CTNNAL1: variants seen among roughly 807,000 people sequenced by gnomAD.
The protein encoded by CTNNAL1 is catenin alpha like 1.
Under a neutral mutation model 93.6 loss-of-function variants are expected in CTNNAL1, and 69 were observed. The ratio of observed to expected loss-of-function variants is 0.74; its 90% CI spans 0.61 to 0.90. The LOEUF (loss-of-function observed/expected upper bound fraction) is 0.90, where lower values mean the gene tolerates loss of function less well. Ranked by LOEUF, CTNNAL1 falls within the 40% of genes least tolerant of loss-of-function variation. CTNNAL1 has a pLI of 0.00. For missense variants in CTNNAL1, 836 were observed against 862.0 expected, an observed-to-expected ratio of 0.97 and a Z score of 0.38; for synonymous variants, 286 against 305.4, an observed-to-expected ratio of 0.94 and a Z score of 0.66.
chr9:108,992,778 G>A lies in CTNNAL1; in HGVS notation c.373C>T (p.His125Tyr), dbSNP rs753312528. 1 of 1,613,456 alleles carries A rather than the reference G, an allele frequency of 6.2e-7. No homozygotes were observed. The highest frequency in any genetic ancestry group is 1.1e-5 in the South Asian group (1 of 90,914). ...AALTDITNLN[H>Y]LESDGQITIF... ...GTGATCTGCCCATCAGATTCCAGAT[G>A]GTTCAAGTTGGTTATGTCTGTAAGT... Residue 125 changes from histidine to tyrosine, a missense_variant, in exon 3 of 19, where the codon CAT becomes TAT. His to Tyr is a moderately conservative substitution (Grantham distance 83). Transcript: ENST00000325551.
At chr9:108,996,923 T>C (rs1832042973) in intron 2 of CTNNAL1, among the ~76,000 whole-genome samples, 2 of 6,580 alleles carry the variant, frequency 3.0e-4, no homozygotes, top group Non-Finnish European at 4.9e-4. Flanking sequence ...TAACCCTTTG[T>C]TTCCCACATT....
intron 3 of CTNNAL1, 65 bp downstream of exon 3, chr9:108,992,567 G>T (rs1831851085): frequency 1.3e-6 from 2 of 1,510,500 alleles, no homozygotes; most frequent in Non-Finnish European, 1.8e-6. Context: ...ACCACTAAGA[G>T]TCATAAAAAG....
chr9:108,950,680 G>T, intron 14 of CTNNAL1: 1 of 1,475,650 alleles, frequency 6.8e-7, no homozygotes, highest in Non-Finnish European at 9.0e-7. Context: ...ATAAAAGGAG[G>T]TGGATGCTCA....
At chr9:108,987,221 G>A (rs1387321104) in intron 4 of CTNNAL1, among the ~76,000 whole-genome samples, 7 of 151,930 alleles carry the variant, frequency 4.6e-5, no homozygotes, top group Non-Finnish European at 1.0e-4. Context: ...TGTAAGGAAG[G>A]GATCCAGTTT....
intron 4 of CTNNAL1, among the ~76,000 whole-genome samples, chr9:108,985,712 T>C (rs933203449): frequency 5.3e-5 from 8 of 152,198 alleles, no homozygotes; most frequent in Non-Finnish European, 7.4e-5. Flanking sequence ...TTATAAAATT[T>C]CCACCCATTC....
In CTNNAL1 at chr9:108,976,993, A is replaced by C. The variant is rs767899174; in HGVS notation, c.1157T>G (p.Ile386Ser). The C allele has an allele frequency of 2.6e-6, 4 of 1,520,692 alleles. No individual in the cohort carries two copies. In the South Asian group the frequency reaches 5.1e-5, roughly 20 times the overall value. 94.2% of individuals were successfully genotyped at this position (1,520,692 alleles called of 1,614,324 possible). ...CTTAAGTTCATTAAGACTGTGACTG[A>C]TTTTCAAAATACTGAGTTCCAGTTC... ...AEELELSILK[I>S]SHSLNELKKE... The change falls in exon 8 of 19, where the codon ATC (isoleucine) becomes AGC (serine). Residue 386 changes from isoleucine (I) to serine (S), a missense_variant. By Grantham distance (142) the Ile-to-Ser change is moderately radical. Coordinates refer to ENST00000325551, the MANE Select transcript of CTNNAL1 (RefSeq NM_003798.4).
At chr9:108,950,274 C>A (rs954281750) in intron 14 of CTNNAL1, among the ~76,000 whole-genome samples, 1 of 152,096 alleles carries the variant, frequency 6.6e-6, no homozygotes, top group Non-Finnish European at 1.5e-5. Flanking sequence ...ATTTTGCATT[C>A]TTTTAGAGGC....
At chr9:109,007,497 A>G (rs1318284993) in intron 1 of CTNNAL1, among the ~76,000 whole-genome samples, 2 of 152,198 alleles carry the variant, frequency 1.3e-5, no homozygotes, top group African/African-American at 4.8e-5. Flanking sequence ...ATTCCACACC[A>G]GGGTGGAGTT....
At chr9:109,002,948 G>A (rs927032800) in intron 1 of CTNNAL1, among the ~76,000 whole-genome samples, 1 of 151,982 alleles carries the variant, frequency 6.6e-6, no homozygotes, top group Non-Finnish European at 1.5e-5. Context: ...AGCCAAGATC[G>A]TGCCATTGCA....
intron 1 of CTNNAL1, among the ~76,000 whole-genome samples, chr9:109,001,174 A>AC (rs1826812720): frequency 6.9e-6 from 1 of 145,262 alleles, no homozygotes; most frequent in Non-Finnish European, 1.5e-5. Context: ...TCCATCTCCA[A>AC]AAAAAAAAAA....
chr9:108,968,253 G>T (rs1294056895), intron 10 of CTNNAL1, among the ~76,000 whole-genome samples: 1 of 152,194 alleles, frequency 6.6e-6, no homozygotes, highest in Non-Finnish European at 1.5e-5. Flanking sequence ...TATCCCAGAG[G>T]CATGCTCAAT....
At chr9:108,954,134 TA>T (rs1461011972) in intron 12 of CTNNAL1, among the ~76,000 whole-genome samples, 1 of 152,186 alleles carries the variant, frequency 6.6e-6, no homozygotes, top group Non-Finnish European at 1.5e-5. Context: ...CCTGAAAAGG[TA>T]AATAAACCAT....
intron 4 of CTNNAL1, among the ~76,000 whole-genome samples, chr9:108,985,079 T>A (rs28361124): frequency 2.0e-5 from 3 of 152,330 alleles, no homozygotes; most frequent in African/African-American, 7.2e-5. Context: ...GAGCCCTCAA[T>A]AGAATGTGTG....
intron 3 of CTNNAL1, chr9:108,991,831 G>C (rs28361113): frequency 1.7e-4 from 83 of 478,424 alleles, no homozygotes; most frequent in African/African-American, 1.4e-3. Context: ...TCTCCTCTTT[G>C]CCTAGGGAAT....
At chr9:108,988,374 A>G (rs1831679995) in intron 4 of CTNNAL1, among the ~76,000 whole-genome samples, 1 of 151,812 alleles carries the variant, frequency 6.6e-6, no homozygotes, top group South Asian at 2.1e-4. Flanking sequence ...ATGAGCCACC[A>G]TGCCCAGCCT....
intron 11 of CTNNAL1, among the ~76,000 whole-genome samples, chr9:108,957,908 A>G (rs1196556477): frequency 2.6e-5 from 4 of 152,122 alleles, no homozygotes; most frequent in Non-Finnish European, 4.4e-5. Flanking sequence ...ACCCAAGGTC[A>G]GGAATTCAAG....
Position 108,990,857 on chromosome 9 carries a change from A to G in CTNNAL1, c.520-12T>C, listed in dbSNP as rs371227975. On this transcript the variant is annotated splice_polypyrimidine_tract_variant and intron_variant, in intron 3 of 18. Transcript: ENST00000325551. ...ATAGTTGCGAGAACCTGCAAAACAGATAATAATTCATTATTTGGTGAGAGC... is the reference window on the plus strand; with the variant it reads ...ATAGTTGCGAGAACCTGCAAAACAGGTAATAATTCATTATTTGGTGAGAGC... 3.3e-5 allele frequency: 53 copies of G among 1,607,576 alleles called. No individual in the cohort carries two copies. The African/African-American group carries it at 4.6e-4, about 14-fold the overall frequency.
At chr9:108,974,055 G>T (rs1162144671) in intron 8 of CTNNAL1, among the ~76,000 whole-genome samples, 2 of 152,214 alleles carry the variant, frequency 1.3e-5, no homozygotes, top group Non-Finnish European at 1.5e-5. Flanking sequence ...GCTCCACAGA[G>T]ACTGTGTCTT....
At chr9:109,005,572 G>A (rs1215431947) in intron 1 of CTNNAL1, among the ~76,000 whole-genome samples, 1 of 152,136 alleles carries the variant, frequency 6.6e-6, no homozygotes, top group Non-Finnish European at 1.5e-5. Flanking sequence ...TGAGAAGACA[G>A]CTGTCCATGA....
Sources: allele counts gnomAD v4.1 joint callset (sites outside exome capture counted in the v4.1 genomes callset), GRCh38; gene constraint gnomAD v4.1.1; transcripts MANE v1.5; gene names NCBI Gene and HGNC (gene_info 2026-07-23, HGNC 2026-07-21).